The following IFRD1 variants were observed in gnomAD, a reference collection of about 807,000 sequenced individuals.
The protein encoded by IFRD1 is interferon-related developmental regulator 1.
In IFRD1, 35 loss-of-function variants were observed where a neutral mutation model predicts 52.9. The ratio of observed to expected loss-of-function variants is 0.66; its 90% CI spans 0.51 to 0.88. IFRD1 has a LOEUF of 0.88. Among genes scored for constraint, IFRD1 ranks in the 40% least tolerant of loss-of-function variants. IFRD1 has a pLI of 0.00. For synonymous variants in IFRD1, 184 were observed against 188.4 expected, an observed-to-expected ratio of 0.98 and a Z score of 0.19; for missense variants, 517 against 550.8, an observed-to-expected ratio of 0.94 and a Z score of 0.61.
chr7:112,463,693 A>G (rs540185127), intron 8 of IFRD1, among the ~76,000 whole-genome samples: 2 of 152,266 alleles, frequency 1.3e-5, no homozygotes, highest in East Asian at 3.9e-4. Context: ...CTGGCCAGAA[A>G]TGGCAGTTTC....
intron 1 of IFRD1, among the ~76,000 whole-genome samples, chr7:112,436,794 T>A (rs1794705853): frequency 1.3e-5 from 2 of 152,138 alleles, no homozygotes; most frequent in Non-Finnish European, 2.9e-5. Context: ...TGGCCACCTA[T>A]AAAAGGGTCA....
At chr7:112,425,873 T>C (rs1223245763) in intron 1 of IFRD1, among the ~76,000 whole-genome samples, 1 of 152,256 alleles carries the variant, frequency 6.6e-6, no homozygotes, top group Non-Finnish European at 1.5e-5. Context: ...TTTTTCTGTT[T>C]ACTGTTATAT....
chr7:112,445,221 C>T (rs1039438536), intron 1 of IFRD1, among the ~76,000 whole-genome samples: 2 of 152,008 alleles, frequency 1.3e-5, no homozygotes, highest in Non-Finnish European at 2.9e-5. Context: ...CGCCCGCCAC[C>T]ACGCCCGGCT....
chr7:112,472,978 C>T (rs1029466240), intron 11 of IFRD1, 117 bp downstream of exon 11: 2 of 730,984 alleles, frequency 2.7e-6, no homozygotes, highest in Admixed American at 4.0e-5. Context: ...CATGATGCTT[C>T]ACATAGAATA....
At chr7:112,443,064 C>T (rs1794932617) in intron 1 of IFRD1, among the ~76,000 whole-genome samples, 1 of 152,118 alleles carries the variant, frequency 6.6e-6, no homozygotes, top group African/African-American at 2.4e-5. Flanking sequence ...GAAACCAAGG[C>T]ATGGAAGAGT....
intron 1 of IFRD1, among the ~76,000 whole-genome samples, chr7:112,443,696 C>T (rs1251158096): frequency 2.0e-5 from 3 of 151,794 alleles, no homozygotes; most frequent in African/African-American, 4.8e-5. Context: ...TGATGAACCC[C>T]GTCTTTACTA....
At chr7:112,427,995 GA>G (rs1794464721) in intron 1 of IFRD1, among the ~76,000 whole-genome samples, 1 of 152,178 alleles carries the variant, frequency 6.6e-6, no homozygotes, top group Non-Finnish European at 1.5e-5. Flanking sequence ...GATGGGGGCA[GA>G]GGGGTGGGTC....
intron 1 of IFRD1, among the ~76,000 whole-genome samples, chr7:112,425,002 T>G (rs1240636243): frequency 6.6e-6 from 1 of 152,102 alleles, no homozygotes; most frequent in Non-Finnish European, 1.5e-5. Flanking sequence ...TGTCAGGTTT[T>G]GTTTTGTTTT....
At chr7:112,451,659 A>C (rs1447337929) in intron 1 of IFRD1, among the ~76,000 whole-genome samples, 1 of 152,176 alleles carries the variant, frequency 6.6e-6, no homozygotes, top group Non-Finnish European at 1.5e-5. Context: ...TTTTCTACTT[A>C]TTATATGGTT....
chr7:112,434,228 C>T lies in IFRD1; in HGVS notation c.-182+10796C>T, dbSNP rs186343547. Among the ~76,000 whole-genome samples, 270 of 152,162 alleles carry T rather than the reference C, an allele frequency of 1.8e-3. 1 individual carries two copies. Among genetic ancestry groups the T allele is most frequent in the African/African-American group, 6.1e-3 (255 of 41,516 alleles). ...CTATTCTCATTTTCATTGAGGTCCC[C>T]GTGGGGCTGCTGTGTATAGTTCTTT... On this transcript the variant is annotated intron_variant, in intron 1 of 12. Coordinates refer to the IFRD1 transcript ENST00000005558.
rs543111989 is a variant in IFRD1, at chr7:112,454,948, C to T, written c.95-815C>T. On this transcript the variant is annotated intron_variant, in intron 1 of 11. Coordinates refer to ENST00000403825, the MANE Select transcript of IFRD1 (RefSeq NM_001550.4). The stretch of plus-strand genomic sequence containing the variant: ...GTGGCACCATCTTGGCTCACTGCAA[C>T]GTCTGCCTCCGAGGCTCAAGCGATT... Among the ~76,000 whole-genome samples, 4 of 143,598 alleles carry T rather than the reference C, an allele frequency of 2.8e-5. No homozygotes were observed. In the East Asian group the frequency reaches 6.4e-4, roughly 23 times the overall value. The allele number at this position is 143,598 out of a possible 152,430, so 94.2% of individuals were successfully genotyped here.
intron 11 of IFRD1, among the ~76,000 whole-genome samples, chr7:112,474,754 T>G (rs1795850081): frequency 6.6e-6 from 1 of 152,250 alleles, no homozygotes; most frequent in Non-Finnish European, 1.5e-5. Context: ...TTAATTGATA[T>G]TAAAATGGCA....
chr7:112,461,094 C>T (rs892654573), intron 5 of IFRD1, among the ~76,000 whole-genome samples: 14 of 152,112 alleles, frequency 9.2e-5, no homozygotes, highest in African/African-American at 3.4e-4. Flanking sequence ...CCTCCCCAAA[C>T]AAAAGGCAAT....
At chr7:112,439,830 C>G (rs902942301) in intron 1 of IFRD1, among the ~76,000 whole-genome samples, 1 of 152,140 alleles carries the variant, frequency 6.6e-6, no homozygotes, top group Non-Finnish European at 1.5e-5. Context: ...GATTATGACC[C>G]AACCCCTGGA....
chr7:112,445,028 G>A (rs1794983804), intron 1 of IFRD1, among the ~76,000 whole-genome samples: 1 of 150,028 alleles, frequency 6.7e-6, no homozygotes, highest in African/African-American at 2.4e-5. Context: ...AAGCCAGCCA[G>A]AGGCAAACTT....
intron 8 of IFRD1, among the ~76,000 whole-genome samples, chr7:112,466,530 C>T (rs892472228): frequency 6.6e-6 from 1 of 152,082 alleles, no homozygotes; most frequent in African/African-American, 2.4e-5. Context: ...CACTAGGTGC[C>T]GATAGCACCC....
intron 5 of IFRD1, among the ~76,000 whole-genome samples, chr7:112,460,251 T>TG (rs1554507794): frequency 7.0e-6 from 1 of 143,640 alleles, no homozygotes; most frequent in East Asian, 2.1e-4. Context: ...GTTTTTTTTT[T>TG]TTTTTTTTTT....
chr7:112,435,005 C>G (rs1347877109), intron 1 of IFRD1, among the ~76,000 whole-genome samples: 3 of 152,174 alleles, frequency 2.0e-5, no homozygotes, highest in Non-Finnish European at 4.4e-5. Context: ...CATTTAAAAA[C>G]TTCTTCTGAG....
chr7:112,453,340 A>G (rs993851673), intron 1 of IFRD1, among the ~76,000 whole-genome samples: 2 of 152,210 alleles, frequency 1.3e-5, no homozygotes, highest in African/African-American at 4.8e-5. Flanking sequence ...TAAGTACTTT[A>G]TGTGCCTAGA....
Sources: gnomAD v4.1 joint callset for allele counts (sites outside exome capture counted in the v4.1 genomes callset) on GRCh38, gnomAD v4.1.1 for gene constraint, MANE v1.5 for transcripts, NCBI Gene and HGNC (gene_info 2026-07-23, HGNC 2026-07-21) for gene names.